The following PDLIM5 variants were observed in gnomAD, a reference collection of about 807,000 sequenced individuals.
The protein encoded by PDLIM5 is PDZ and LIM domain protein 5.
Under a neutral mutation model 64.2 loss-of-function variants are expected in PDLIM5, and 34 were observed. That is an observed-to-expected ratio of 0.53 (90% confidence interval 0.40 to 0.71). The LOEUF (loss-of-function observed/expected upper bound fraction) is 0.71, where lower values mean the gene tolerates loss of function less well. Ranked by LOEUF, PDLIM5 falls within the 30% of genes least tolerant of loss-of-function variation. PDLIM5 has a pLI of 0.00. For synonymous variants in PDLIM5, 253 were observed against 269.1 expected, an observed-to-expected ratio of 0.94 and a Z score of 0.59; for missense variants, 683 against 733.6, an observed-to-expected ratio of 0.93 and a Z score of 0.80.
At chr4:94,476,646 T>G (rs565721862) in intron 2 of PDLIM5, among the ~76,000 whole-genome samples, 35 of 152,294 alleles carry the variant, frequency 2.3e-4, no homozygotes, top group Non-Finnish European at 3.4e-4. Context: ...TTTGGTTGGT[T>G]GTTGTTCTGC....
chr4:94,495,844 T>A (rs1727343405), intron 2 of PDLIM5, among the ~76,000 whole-genome samples: 1 of 152,198 alleles, frequency 6.6e-6, no homozygotes, highest in Non-Finnish European at 1.5e-5. Context: ...GCTTGAAAGA[T>A]GACAGTCAGT....
intron 7 of PDLIM5, chr4:94,611,228 GTGGTTCGC>G: frequency 6.6e-7 from 1 of 1,522,756 alleles, no homozygotes; most frequent in Non-Finnish European, 8.8e-7. Flanking sequence ...ATGGCAAGTG[GTGGTTCGC>G]TGTTAAGCAT....
chr4:94,613,303 GA>G (rs1337723892), intron 7 of PDLIM5, among the ~76,000 whole-genome samples: 1 of 152,106 alleles, frequency 6.6e-6, no homozygotes, highest in Admixed American at 6.5e-5. Flanking sequence ...CATGTAATTA[GA>G]ATAAGTTACT....
rs1440456259 is a variant in PDLIM5 at position 94,666,858 on chromosome 4, A to G, written c.*2791A>G. The G allele has an allele frequency of 6.6e-6, 1 of 152,160 alleles. No individual in the cohort carries two copies. Among genetic ancestry groups the G allele is most frequent in the African/African-American group, 2.4e-5 (1 of 41,434 alleles). The allele number at this position is 152,160 out of a possible 1,614,324, so 9.4% of individuals were successfully genotyped here. A position where few individuals can be genotyped will look rare whatever the true frequency, so the allele number is the denominator to read the frequency against. On this transcript the variant is annotated 3_prime_UTR_variant, in exon 13 of 13. Coordinates refer to ENST00000317968, the MANE Select transcript of PDLIM5 (RefSeq NM_006457.5). ...TCCATCTCTTCCGTGGCGAAGCTTTATATCTGTTCCTAAAACAGTTAATCC... is the reference window on the plus strand; with the variant it reads ...TCCATCTCTTCCGTGGCGAAGCTTTGTATCTGTTCCTAAAACAGTTAATCC...
intron 2 of PDLIM5, among the ~76,000 whole-genome samples, chr4:94,484,764 T>C (rs1180278070): frequency 6.6e-6 from 1 of 152,210 alleles, no homozygotes; most frequent in Non-Finnish European, 1.5e-5. Flanking sequence ...GCCTTAGCTA[T>C]ATAAGCTTGG....
At position 94,562,018 on chromosome 4, in the gene PDLIM5, T is replaced by C. The variant is rs151130801; in HGVS notation, c.249-11333T>C. On this transcript the variant is annotated intron_variant, in intron 3 of 12. Coordinates refer to ENST00000317968, the MANE Select transcript of PDLIM5 (RefSeq NM_006457.5). Reference sequence around the variant, plus strand: ...AGCTCTGTGTTAATTGTGTTGTTGGTAGATCTGCTTATTTTATGTCTTTGA... The same window carrying C: ...AGCTCTGTGTTAATTGTGTTGTTGGCAGATCTGCTTATTTTATGTCTTTGA... Among the ~76,000 whole-genome samples the C allele has an allele frequency of 3.3e-5, 5 of 152,368 alleles. No homozygotes were observed. The East Asian group carries it at 9.6e-4, about 29-fold the overall frequency.
At chr4:94,470,576 C>T (rs1398750323) in intron 2 of PDLIM5, among the ~76,000 whole-genome samples, 1 of 151,946 alleles carries the variant, frequency 6.6e-6, no homozygotes, top group Non-Finnish European at 1.5e-5. Context: ...ATTTTATGAC[C>T]CTTTTATTAT....
intron 1 of PDLIM5, among the ~76,000 whole-genome samples, chr4:94,454,115 A>G (rs1209814389): frequency 6.6e-6 from 1 of 152,210 alleles, no homozygotes; most frequent in Admixed American, 6.5e-5. Context: ...GGGTTAAAAC[A>G]TATTTTAAGA....
intron 2 of PDLIM5, among the ~76,000 whole-genome samples, chr4:94,473,633 GA>G (rs1725073822): frequency 6.6e-6 from 1 of 152,222 alleles, no homozygotes; most frequent in Non-Finnish European, 1.5e-5. Flanking sequence ...TGATGGGACA[GA>G]AGCTCTTTTT....
At chr4:94,651,357 T>C (rs1741831740) in intron 9 of PDLIM5, among the ~76,000 whole-genome samples, 1 of 152,210 alleles carries the variant, frequency 6.6e-6, no homozygotes, top group Admixed American at 6.5e-5. Flanking sequence ...TTCTTTACTG[T>C]CTAAAATTCC....
At chr4:94,626,695 C>G (rs970752268) in intron 8 of PDLIM5, among the ~76,000 whole-genome samples, 1 of 151,754 alleles carries the variant, frequency 6.6e-6, no homozygotes, top group Non-Finnish European at 1.5e-5. Context: ...TAATCATACC[C>G]GCTTCTGGTG....
At chr4:94,456,477 C>T (rs1052216933) in intron 2 of PDLIM5, 17 of 701,912 alleles carry the variant, frequency 2.4e-5, no homozygotes, top group Non-Finnish European at 3.1e-5. Flanking sequence ...AGATTACAGG[C>T]GTGAGCCACC....
chr4:94,605,789 C>G (rs1737867103), intron 7 of PDLIM5, among the ~76,000 whole-genome samples: 1 of 151,660 alleles, frequency 6.6e-6, no homozygotes. Flanking sequence ...TCTCAAATGG[C>G]ACTCAGCTTT....
At chr4:94,641,253 A>G (rs1709907002) in intron 9 of PDLIM5, among the ~76,000 whole-genome samples, 1 of 152,220 alleles carries the variant, frequency 6.6e-6, no homozygotes, top group African/African-American at 2.4e-5. Flanking sequence ...ACTTTGAAAT[A>G]ATTGAAACAG....
At chr4:94,497,065 C>T (rs1401227572) in intron 2 of PDLIM5, among the ~76,000 whole-genome samples, 2 of 152,092 alleles carry the variant, frequency 1.3e-5, no homozygotes, top group African/African-American at 4.8e-5. Context: ...AAGCTTACAC[C>T]AAATGGGTGA....
At chr4:94,662,578 G>A (rs557440603) in intron 12 of PDLIM5, 41 bp downstream of exon 12, 7 of 856,376 alleles carry the variant, frequency 8.2e-6, no homozygotes, top group African/African-American at 3.3e-5. Flanking sequence ...GGTATAGTAT[G>A]GCCAATTCTA....
intron 3 of PDLIM5, among the ~76,000 whole-genome samples, chr4:94,568,608 T>C (rs1258772542): frequency 6.6e-6 from 1 of 152,028 alleles, no homozygotes; most frequent in Non-Finnish European, 1.5e-5. Context: ...TATTTTTGAG[T>C]GTGGACATGA....
In PDLIM5 at chr4:94,640,395, C is replaced by T. The variant is rs369761799; in HGVS notation, c.1228C>T (p.His410Tyr). 19 of 1,612,058 alleles carry T rather than the reference C, an allele frequency of 1.2e-5. No individual in the cohort carries two copies. The African/African-American group carries it at 1.9e-4, about 16-fold the overall frequency. Residue 410 changes from histidine (H) to tyrosine (Y), a missense_variant, in exon 9 of 13, where the codon CAC becomes TAC. Transcript: ENST00000317968. ...GGACACTTTAGTGCAAAGAGCTGAG[C>T]ACATTCCAGCAGGGAAACGAACTCC... ...DQDTLVQRAEHIPAGKRTPMC... is the reference protein window; with the variant it reads ...DQDTLVQRAEYIPAGKRTPMC...
intron 3 of PDLIM5, among the ~76,000 whole-genome samples, chr4:94,543,789 T>C (rs1297670661): frequency 9.0e-5 from 2 of 22,128 alleles, no homozygotes; most frequent in Non-Finnish European, 1.9e-4. Flanking sequence ...TGTGTGTGTG[T>C]GTGTGTGTGT....
Sources: gnomAD v4.1 joint callset for allele counts (sites outside exome capture counted in the v4.1 genomes callset) on GRCh38, gnomAD v4.1.1 for gene constraint, MANE v1.5 for transcripts, NCBI Gene and HGNC (gene_info 2026-07-23, HGNC 2026-07-21) for gene names.